The following DEF6 variants were observed in gnomAD, a reference collection of about 807,000 sequenced individuals.
DEF6 encodes the protein differentially expressed in FDCP 6 homolog.
In DEF6, 32 loss-of-function variants were observed where a neutral mutation model predicts 80.5. The observed-to-expected ratio is 0.40, with a 90% CI of 0.30 to 0.53. The LOEUF (loss-of-function observed/expected upper bound fraction) is 0.53, where lower values mean the gene tolerates loss of function less well. DEF6 is among the 20% of genes least tolerant of loss of function. The pLI, the probability that DEF6 is intolerant of heterozygous loss-of-function variation, is 0.57. For synonymous variants in DEF6, 300 were observed against 337.9 expected (o/e 0.89, Z 1.23); for missense variants, 575 against 818.7 (o/e 0.70, Z 3.63).
In DEF6 at chr6:35,318,560, G is replaced by A. The variant is rs1022108880; in HGVS notation, c.1215+89G>A. On this transcript the variant is annotated intron_variant, in intron 7 of 10. Transcript: ENST00000316637. This position sits in a 1 kb window ranked among gnomAD's most constrained non-coding sequence, Gnocchi z 5.1. The stretch of plus-strand genomic sequence containing the variant: ...CGCCGGGGGCGGGGCCTGGGCAGAG[G>A]GCGGAGCTCCTGGGTTGAGGGGCGT... 3 of 1,270,986 alleles carry A rather than the reference G, an allele frequency of 2.4e-6. No homozygotes were observed. The highest frequency in any genetic ancestry group is 1.0e-6 in the Non-Finnish European group (1 of 992,204). The allele number at this position is 1,270,986 out of a possible 1,614,324, so 78.7% of individuals were successfully genotyped here.
rs370174616 is a variant in DEF6, at chr6:35,317,862, C to A, written c.808-29C>A. The A allele has an allele frequency of 2.7e-4, 440 of 1,600,288 alleles. No individual in the cohort carries two copies. The African/African-American group carries it at 5.4e-3, about 20-fold the overall frequency. On this transcript the variant is annotated intron_variant, in intron 5 of 10. Coordinates refer to ENST00000316637, the MANE Select transcript of DEF6 (RefSeq NM_022047.4). ...TGGGGCCCTGACCCAGTGAGGCCAG[C>A]CTGGCTGCGGCCACCTACCCTGTGC...
intron 1 of DEF6, among the ~76,000 whole-genome samples, chr6:35,306,114 G>A (rs1240812211): frequency 3.3e-5 from 5 of 150,792 alleles, no homozygotes; most frequent in Non-Finnish European, 5.9e-5. Context: ...GGTGGGTCTC[G>A]AACTCCTGAC....
rs762869594 is a variant in DEF6 at position 35,309,652 on chromosome 6, CACTCT to C, written c.97-11_97-7del. On this transcript the variant is annotated splice_polypyrimidine_tract_variant and intron_variant, in intron 1 of 10. Transcript: ENST00000316637. The stretch of plus-strand genomic sequence containing the variant: ...GTTGGGGTGCAGAAAGACACACTGC[CACTCT>C]ACTCTATCCCAGGTGCTGTCCCACA... 138 of 1,610,884 alleles carry C rather than the reference CACTCT, an allele frequency of 8.6e-5. No homozygotes were observed. Among genetic ancestry groups the C allele is most frequent in the Non-Finnish European group, 1.1e-4 (132 of 1,178,064 alleles).
In DEF6 at chr6:35,317,520, GGAAT is replaced by G. The variant is rs553313135; in HGVS notation, c.808-359_808-356del. ...CAGTAGGCACTCCAAAAACATCTGCGGAATGAATGAATGAACTCTTAACAAGCAG... is the reference window on the plus strand; with the variant it reads ...CAGTAGGCACTCCAAAAACATCTGCGGAATGAATGAACTCTTAACAAGCAG... On this transcript the variant is annotated intron_variant, in intron 5 of 10. Coordinates refer to ENST00000316637, the MANE Select transcript of DEF6 (RefSeq NM_022047.4). 13 of 165,638 alleles carry G rather than the reference GGAAT, an allele frequency of 7.8e-5. No homozygotes were observed. In the East Asian group the frequency reaches 2.3e-3, roughly 29 times the overall value. 10.3% of individuals were successfully genotyped at this position (165,638 alleles called of 1,614,324 possible). A position where few individuals can be genotyped will look rare whatever the true frequency, so the allele number is the denominator to read the frequency against.
At chr6:35,313,881 A>G (rs1321399553) in intron 5 of DEF6, among the ~76,000 whole-genome samples, 1 of 152,190 alleles carries the variant, frequency 6.6e-6, no homozygotes, top group East Asian at 1.9e-4. Flanking sequence ...TTTGGCCATT[A>G]TGAATATCTC....
intron 1 of DEF6, among the ~76,000 whole-genome samples, chr6:35,308,470 C>T (rs1449570400): frequency 4.6e-5 from 7 of 151,732 alleles, no homozygotes; most frequent in Non-Finnish European, 7.4e-5. Flanking sequence ...GACAGGAGTT[C>T]GAGGCCAGCC....
intron 1 of DEF6, among the ~76,000 whole-genome samples, chr6:35,308,248 T>C (rs1231837127): frequency 6.6e-6 from 1 of 151,948 alleles, no homozygotes; most frequent in Non-Finnish European, 1.5e-5. Flanking sequence ...AAAAGCGCTT[T>C]GACTGGGTGT....
At position 35,318,526 on chromosome 6, in the gene DEF6, G is replaced by A. The variant is rs1791550879; in HGVS notation, c.1215+55G>A. 18 of 1,349,064 alleles carry A rather than the reference G, an allele frequency of 1.3e-5. 2 individuals carry two copies. The South Asian group carries it at 2.7e-4, about 21-fold the overall frequency. The allele number at this position is 1,349,064 out of a possible 1,614,324, so 83.6% of individuals were successfully genotyped here. A position where few individuals can be genotyped will look rare whatever the true frequency, so the allele number is the denominator to read the frequency against. On this transcript the variant is annotated intron_variant, in intron 7 of 10. Transcript: ENST00000316637. This position sits in a 1 kb window ranked among gnomAD's most constrained non-coding sequence, Gnocchi z 5.1. ...GACCGGTGGGCTGGGAGGCTGGCCA[G>A]GGGCGGAGCGCCGGGGGCGGGGCCT...
chr6:35,308,717 TA>T lies in DEF6; in HGVS notation c.97-949del, dbSNP rs869181946. Among the ~76,000 whole-genome samples the T allele has an allele frequency of 3.4e-3, 335 of 97,916 alleles. 3 individuals are homozygous for T. The highest frequency in any genetic ancestry group is 4.7e-3 in the Middle Eastern group (1 of 212). The allele number at this position is 97,916 out of a possible 152,430, so 64.2% of individuals were successfully genotyped here. A position where few individuals can be genotyped will look rare whatever the true frequency, so the allele number is the denominator to read the frequency against. ...TAAAATAAAATAAAATAAAATAAAA[TA>T]AAATAAAATAAATAAAATAATAAAA... On this transcript the variant is annotated intron_variant, in intron 1 of 10. Transcript: ENST00000316637.
At chr6:35,308,484 C>T (rs996281593) in intron 1 of DEF6, among the ~76,000 whole-genome samples, 1 of 151,824 alleles carries the variant, frequency 6.6e-6, no homozygotes. Context: ...GCCAGCCTGG[C>T]CAACATGGTG....
intron 5 of DEF6, among the ~76,000 whole-genome samples, chr6:35,313,622 T>G (rs1486922905): frequency 6.6e-6 from 1 of 152,214 alleles, no homozygotes; most frequent in Non-Finnish European, 1.5e-5. Flanking sequence ...CCACACTTCC[T>G]GGCCTCTGGT....
chr6:35,304,223 A>G (rs1177918231), intron 1 of DEF6, among the ~76,000 whole-genome samples: 1 of 152,222 alleles, frequency 6.6e-6, no homozygotes, highest in Non-Finnish European at 1.5e-5. Flanking sequence ...CAGGAGGCTG[A>G]TATGGGAAGA....
chr6:35,305,074 C>T (rs1219543504), intron 1 of DEF6, among the ~76,000 whole-genome samples: 1 of 144,608 alleles, frequency 6.9e-6, no homozygotes, highest in Non-Finnish European at 1.5e-5. Context: ...CCTCCTAAAG[C>T]ATTGGGATTA....
Position 35,312,496 on chromosome 6 carries a change from C to T in DEF6, c.618C>T (p.Ile206=), listed in dbSNP as rs750935944. ...GCCGGGACACCCTCAGCATGGCCAT[C>T]CACGAGGTCTACCAGGAGCTCATCC... The part of the protein sequence containing the change: ...GVGRDTLSMA[I]HEVYQELIQD... The change falls in exon 4 of 11, where the codon ATC becomes ATT. Residue 206 remains isoleucine, a synonymous_variant. Transcript: ENST00000316637. This position sits in a 1 kb window ranked among gnomAD's most constrained non-coding sequence, Gnocchi z 6.6. 1 of 1,614,140 alleles carries T rather than the reference C, an allele frequency of 6.2e-7. No homozygotes were observed. The highest frequency in any genetic ancestry group is 8.5e-7 in the Non-Finnish European group (1 of 1,180,038).
intron 1 of DEF6, among the ~76,000 whole-genome samples, chr6:35,306,547 T>C (rs537796140): frequency 6.6e-6 from 1 of 152,044 alleles, no homozygotes; most frequent in South Asian, 2.1e-4. Flanking sequence ...CTCCCCTCAC[T>C]CTGGAGAGGT....
At chr6:35,299,708 T>A (rs1490368264) in intron 1 of DEF6, among the ~76,000 whole-genome samples, 1 of 152,134 alleles carries the variant, frequency 6.6e-6, no homozygotes, top group Non-Finnish European at 1.5e-5. Context: ...TCACACAGGA[T>A]CAATTATAGA....
At chr6:35,321,036 G>A in intron 10 of DEF6, 62 bp downstream of exon 10, 2 of 1,583,358 alleles carry the variant, frequency 1.3e-6, no homozygotes, top group Admixed American at 1.7e-5. Flanking sequence ...AGGGAGAAAG[G>A]TCTCCCTGGG....
At chr6:35,306,204 T>C (rs745327366) in intron 1 of DEF6, among the ~76,000 whole-genome samples, 3 of 150,028 alleles carry the variant, frequency 2.0e-5, no homozygotes, top group Admixed American at 1.3e-4. Flanking sequence ...CAAAAAAATT[T>C]TGAAGTAAAG....
Position 35,321,259 on chromosome 6 carries a change from T to A in DEF6, c.1745T>A (p.Leu582Gln), listed in dbSNP as rs751075162. The A allele has an allele frequency of 3.2e-5, 52 of 1,613,478 alleles. 1 individual carries two copies. The Admixed American group carries it at 5.0e-4, about 16-fold the overall frequency. The part of the protein sequence containing the change: ...PPLLAHRDSS[L>Q]KRLTRWGSQG... ...CTGCTTGCCCACCGTGACTCCTCCC[T>A]AAAGCGCCTGACCCGCTGGGGATCC... The change falls in exon 11 of 11, where the codon CTA (leucine) becomes CAA (glutamine). Residue 582 changes from leucine (L) to glutamine (Q), a missense_variant. Transcript: ENST00000316637.
Sources: gnomAD v4.1 joint callset for allele counts (sites outside exome capture counted in the v4.1 genomes callset) on GRCh38, gnomAD v4.1.1 for gene constraint, Gnocchi (gnomAD v3.1) non-coding constraint, MANE v1.5 for transcripts, NCBI Gene and HGNC (gene_info 2026-07-23, HGNC 2026-07-21) for gene names.